ATXN10: variants seen among roughly 807,000 people sequenced by gnomAD.
The protein encoded by ATXN10 is ataxin-10.
Under a neutral mutation model 52.9 loss-of-function variants are expected in ATXN10, and 28 were observed. The ratio of observed to expected loss-of-function variants is 0.53; its 90% CI spans 0.39 to 0.73. ATXN10 has a LOEUF of 0.73. ATXN10 is among the 30% of genes least tolerant of loss of function. The pLI is 0.00. For missense variants in ATXN10, 565 were observed against 577.0 expected (o/e 0.98, Z 0.21); for synonymous variants, 226 against 221.5 (o/e 1.02, Z -0.18).
chr22:45,770,164 A>G lies in ATXN10; in HGVS notation c.1173+29626A>G, dbSNP rs1349981661. 6.6e-6 allele frequency among the ~76,000 whole-genome samples: 1 copy of G among 152,252 alleles called. No individual in the cohort carries two copies. Among genetic ancestry groups the G allele is most frequent in the Non-Finnish European group, 1.5e-5 (1 of 68,044 alleles). ...CTCCTGTCTTACACATGAGGACATG[A>G]GGAACCAAAGTCAAAAGTAATTTGC... On this transcript the variant is annotated intron_variant, in intron 9 of 11. Transcript: ENST00000252934. This position sits in a 1 kb window ranked among gnomAD's most constrained non-coding sequence, Gnocchi z 4.5.
In ATXN10 at chr22:45,794,714, G is replaced by A. The variant is rs1250914424; in HGVS notation, c.1174-12245G>A. On this transcript the variant is annotated intron_variant, in intron 9 of 11. Transcript: ENST00000252934. ...AGGAAAACTGTTAATCTAGAATTAT[G>A]TATCCAGCCAAAATATCCTTCAAAA... Among the ~76,000 whole-genome samples the A allele has an allele frequency of 2.0e-5, 3 of 152,120 alleles. No individual in the cohort carries two copies. The East Asian group carries it at 5.8e-4, about 29-fold the overall frequency.
At chr22:45,686,878 A>G (rs1233073767) in intron 1 of ATXN10, among the ~76,000 whole-genome samples, 2 of 151,158 alleles carry the variant, frequency 1.3e-5, no homozygotes, top group Non-Finnish European at 2.9e-5. Flanking sequence ...GGAGATTTGG[A>G]GAGGACTTTC....
At chr22:45,740,334 T>G (rs1303070925) in intron 8 of ATXN10, 35 bp from the exon 9 acceptor site, 22 of 1,612,118 alleles carry the variant, frequency 1.4e-5, no homozygotes, top group African/African-American at 2.7e-5. Context: ...AAGTTACTTT[T>G]CTGTGGAAAA....
In ATXN10 at chr22:45,775,364, G is replaced by C. The variant is rs1317269571; in HGVS notation, c.1174-31595G>C. Among the ~76,000 whole-genome samples, 2 of 152,230 alleles carry C rather than the reference G, an allele frequency of 1.3e-5. No homozygotes were observed. The highest frequency in any genetic ancestry group is 2.9e-5 in the Non-Finnish European group (2 of 68,042). On this transcript the variant is annotated intron_variant, in intron 9 of 11. Transcript: ENST00000252934. The surrounding 1 kb of genome is among the most constrained non-coding windows in gnomAD (Gnocchi z 4.7). ...TCTTAAGTGGCTTCATGGAGATTTT[G>C]TAAGAAATTGAGACAAGTTGGAAAA...
At position 45,769,212 on chromosome 22, in the gene ATXN10, G is replaced by A. The variant is rs1601634514; in HGVS notation, c.1173+28674G>A. 6.6e-6 allele frequency among the ~76,000 whole-genome samples: 1 copy of A among 152,042 alleles called. No individual in the cohort carries two copies. Among genetic ancestry groups the A allele is most frequent in the Non-Finnish European group, 1.5e-5 (1 of 67,996 alleles). On this transcript the variant is annotated intron_variant, in intron 9 of 11. Transcript: ENST00000252934. The surrounding 1 kb of genome is among the most constrained non-coding windows in gnomAD (Gnocchi z 4.2). ...GACCCGAGGTTGAGAGCTCTTGGTG[G>A]GTAGGGGACTCATCATGGAATCTGA...
intron 5 of ATXN10, among the ~76,000 whole-genome samples, chr22:45,710,673 A>T (rs1212201584): frequency 6.6e-6 from 1 of 152,182 alleles, no homozygotes; most frequent in Non-Finnish European, 1.5e-5. Flanking sequence ...TTTTATAAAT[A>T]AAGTTTTATT....
In ATXN10 at chr22:45,683,480, C is replaced by T. The variant is rs976798349; in HGVS notation, c.117-6232C>T. 1.3e-5 allele frequency among the ~76,000 whole-genome samples: 2 copies of T among 152,190 alleles called. No homozygotes were observed. The highest frequency in any genetic ancestry group is 2.9e-5 in the Non-Finnish European group (2 of 68,034). On this transcript the variant is annotated intron_variant, in intron 1 of 11. Transcript: ENST00000252934. The surrounding 1 kb of genome is among the most constrained non-coding windows in gnomAD (Gnocchi z 4.8). ...TTCATTGAAGCCAGCCCTGACTTCC[C>T]TGTGACGTGCTCTGTATGCCTTTGC...
intron 10 of ATXN10, among the ~76,000 whole-genome samples, chr22:45,836,236 A>G (rs1430954832): frequency 3.9e-5 from 6 of 152,252 alleles, no homozygotes; most frequent in Admixed American, 2.6e-4. Flanking sequence ...GACATAAATG[A>G]GAGTTGAGAA....
chr22:45,836,627 T>C (rs1055923356), intron 10 of ATXN10, among the ~76,000 whole-genome samples: 18 of 152,282 alleles, frequency 1.2e-4, no homozygotes, highest in African/African-American at 4.1e-4. Flanking sequence ...GGGGATGCAC[T>C]GGGGTGAGAT....
At position 45,843,191 on chromosome 22, in the gene ATXN10, G is replaced by C; in HGVS notation, c.1425+13G>C. On this transcript the variant is annotated intron_variant, in intron 11 of 11. Coordinates refer to ENST00000252934, the MANE Select transcript of ATXN10 (RefSeq NM_013236.4). This position sits in a 1 kb window ranked among gnomAD's most constrained non-coding sequence, Gnocchi z 4.5. ...CACCCCTAAGCCAGTAAGTACCCTC[G>C]AGGGAACTGTCCTTCCCTTTGGTTT... is the stretch of plus-strand genomic sequence containing the variant. 6.2e-7 allele frequency: 1 copy of C among 1,613,584 alleles called. No homozygotes were observed. Among genetic ancestry groups the C allele is most frequent in the Non-Finnish European group, 8.5e-7 (1 of 1,179,602 alleles).
rs1398858026 is a variant in ATXN10, at chr22:45,688,131, C to G, written c.117-1581C>G. Among the ~76,000 whole-genome samples the G allele has an allele frequency of 6.6e-6, 1 of 152,140 alleles. No homozygotes were observed. Among genetic ancestry groups the G allele is most frequent in the Non-Finnish European group, 1.5e-5 (1 of 68,022 alleles). ...CTGTCACTAAAAAATGGCTTATGTA[C>G]TTGTTTCATACAGTTTATTGAGGCA... is the stretch of plus-strand genomic sequence containing the variant. On this transcript the variant is annotated intron_variant, in intron 1 of 11. Coordinates refer to ENST00000252934, the MANE Select transcript of ATXN10 (RefSeq NM_013236.4). The surrounding 1 kb of genome is among the most constrained non-coding windows in gnomAD (Gnocchi z 4.0).
chr22:45,782,303 T>C (rs7289645), intron 9 of ATXN10, among the ~76,000 whole-genome samples: 26,311 of 152,164 alleles, frequency 0.17, 2,442 homozygotes, highest in Middle Eastern at 0.21. Context: ...CCAGCTATTA[T>C]ATTGGTATAT....
intron 5 of ATXN10, among the ~76,000 whole-genome samples, chr22:45,703,059 A>G (rs1442427262): frequency 2.6e-5 from 4 of 152,228 alleles, no homozygotes; most frequent in Non-Finnish European, 5.9e-5. Context: ...GCCTTTAAGG[A>G]CAAAGAGAAT....
At chr22:45,815,376 A>G (rs1928425310) in intron 10 of ATXN10, among the ~76,000 whole-genome samples, 1 of 152,162 alleles carries the variant, frequency 6.6e-6, no homozygotes, top group African/African-American at 2.4e-5. Context: ...ACATGTTTTC[A>G]GTCTTCCTGT....
rs1375450379 is a variant in ATXN10, at chr22:45,718,355, G to A, written c.648-58G>A. On this transcript the variant is annotated intron_variant, in intron 5 of 11. Transcript: ENST00000252934. The surrounding 1 kb of genome is among the most constrained non-coding windows in gnomAD (Gnocchi z 4.4). The stretch of plus-strand genomic sequence containing the variant: ...AAGTGGTGCCTATAAAGTAGATAAG[G>A]GCATGTCTCTTTTACTATGTTTCAA... 10 of 1,280,424 alleles carry A rather than the reference G, an allele frequency of 7.8e-6. No homozygotes were observed. In the East Asian group the frequency reaches 1.8e-4, roughly 24 times the overall value. The allele number at this position is 1,280,424 out of a possible 1,614,324, so 79.3% of individuals were successfully genotyped here.
intron 9 of ATXN10, among the ~76,000 whole-genome samples, chr22:45,751,656 A>G (rs944488324): frequency 3.3e-5 from 5 of 151,148 alleles, no homozygotes; most frequent in African/African-American, 9.7e-5. Flanking sequence ...AAATGTCTAT[A>G]TATCTCCCCA....
At position 45,780,546 on chromosome 22, in the gene ATXN10, C is replaced by A. The variant is rs1434921281; in HGVS notation, c.1174-26413C>A. ...TGTGAACCTGTGCCAGCCTGTTTCC[C>A]CCTCTGTAGAATGGGATAACAGGAA... On this transcript the variant is annotated intron_variant, in intron 9 of 11. Transcript: ENST00000252934. The surrounding 1 kb of genome is among the most constrained non-coding windows in gnomAD (Gnocchi z 4.0). Among the ~76,000 whole-genome samples, 1 of 152,112 alleles carries A rather than the reference C, an allele frequency of 6.6e-6. No homozygotes were observed. The highest frequency in any genetic ancestry group is 1.9e-4 in the East Asian group (1 of 5,196).
chr22:45,726,416 C>T (rs1924873640), intron 6 of ATXN10, among the ~76,000 whole-genome samples: 1 of 152,098 alleles, frequency 6.6e-6, no homozygotes, highest in South Asian at 2.1e-4. Context: ...GAGATTTGTT[C>T]ATTTCCTCTA....
Position 45,671,909 on chromosome 22 carries a change from G to T in ATXN10, c.-155G>T, listed in dbSNP as rs1376550827. On this transcript the variant is annotated 5_prime_UTR_variant, in exon 1 of 12. Coordinates refer to ENST00000252934, the MANE Select transcript of ATXN10 (RefSeq NM_013236.4). ...CCGGCGGCGGCGCAGCTTCAGGGCA[G>T]CGCGGGCTGCAGCGGCGGCGGCGGT... 3.7e-6 allele frequency: 3 copies of T among 808,934 alleles called. No individual in the cohort carries two copies. Among genetic ancestry groups the T allele is most frequent in the Non-Finnish European group, 5.6e-6 (3 of 535,206 alleles). 50.1% of individuals were successfully genotyped at this position (808,934 alleles called of 1,614,324 possible).
Sources: allele counts gnomAD v4.1 joint callset (sites outside exome capture counted in the v4.1 genomes callset), GRCh38; gene constraint gnomAD v4.1.1; non-coding constraint Gnocchi (gnomAD v3.1); transcripts MANE v1.5; gene names NCBI Gene and HGNC (gene_info 2026-07-23, HGNC 2026-07-21).